BTAF1: variants seen among roughly 807,000 people sequenced by gnomAD.
BTAF1 encodes the protein TATA-binding protein-associated factor 172.
In BTAF1, 38 loss-of-function variants were observed where a neutral mutation model predicts 227.1. That is an observed-to-expected ratio of 0.17 (90% CI 0.13 to 0.22). The LOEUF is 0.22. BTAF1 is among the 10% of genes least tolerant of loss of function. The pLI is 1.00. For missense variants in BTAF1, 1,598 were observed against 2,204.0 expected, an observed-to-expected ratio of 0.73 and a Z score of 5.51; for synonymous variants, 742 against 751.9, an observed-to-expected ratio of 0.99 and a Z score of 0.21.
At chr10:91,988,534 C>T (rs1253505260) in intron 19 of BTAF1, among the ~76,000 whole-genome samples, 3 of 152,242 alleles carry the variant, frequency 2.0e-5, no homozygotes, top group Non-Finnish European at 2.9e-5. Flanking sequence ...TCTGGTACAA[C>T]AGTCCTGTAG....
At chr10:92,018,978 G>C in intron 34 of BTAF1, 43 bp downstream of exon 34, 1 of 1,386,240 alleles carries the variant, frequency 7.2e-7, no homozygotes, top group Non-Finnish European at 9.4e-7. Flanking sequence ...TGTACCCCAG[G>C]AATATAAATT....
chr10:91,941,918 A>G (rs1845027546), intron 3 of BTAF1, among the ~76,000 whole-genome samples: 1 of 152,262 alleles, frequency 6.6e-6, no homozygotes, highest in African/African-American at 2.4e-5. Context: ...TTATTCACAG[A>G]TAACTAAGAA....
At chr10:92,023,093 T>A (rs1851252909) in intron 34 of BTAF1, among the ~76,000 whole-genome samples, 1 of 152,146 alleles carries the variant, frequency 6.6e-6, no homozygotes, top group Non-Finnish European at 1.5e-5. Flanking sequence ...TGGATCAAAA[T>A]TCCAGACCCT....
At chr10:91,939,251 T>C (rs1454232587) in intron 2 of BTAF1, among the ~76,000 whole-genome samples, 1 of 152,224 alleles carries the variant, frequency 6.6e-6, no homozygotes, top group African/African-American at 2.4e-5. Flanking sequence ...TTTCAGATTG[T>C]TTAATGTGTG....
intron 7 of BTAF1, 66 bp downstream of exon 7, chr10:91,956,723 C>G: frequency 6.5e-7 from 1 of 1,535,872 alleles, no homozygotes; most frequent in African/African-American, 1.4e-5. Flanking sequence ...GCAGCGGTGG[C>G]TCACTCCTGT....
At chr10:91,941,395 GT>G (rs1844987828) in intron 3 of BTAF1, among the ~76,000 whole-genome samples, 1 of 152,152 alleles carries the variant, frequency 6.6e-6, no homozygotes, top group African/African-American at 2.4e-5. Context: ...TTATACTTTA[GT>G]TTACAGATGA....
chr10:91,949,471 C>G (rs779812761), intron 4 of BTAF1, among the ~76,000 whole-genome samples: 1 of 152,130 alleles, frequency 6.6e-6, no homozygotes, highest in East Asian at 1.9e-4. Context: ...GAACGTTATG[C>G]GGTGTAGACT....
intron 25 of BTAF1, among the ~76,000 whole-genome samples, chr10:92,006,947 CAG>C (rs1167252673): frequency 6.6e-6 from 1 of 151,972 alleles, no homozygotes; most frequent in East Asian, 1.9e-4. Context: ...CAACCACAAA[CAG>C]AACATACAGT....
Position 92,001,981 on chromosome 10 carries a change from T to TACACAC in BTAF1, c.3660+4231_3660+4232insCACACA, listed in dbSNP as rs1225598895. 4.4e-4 allele frequency among the ~76,000 whole-genome samples: 41 copies of TACACAC among 92,870 alleles called. 1 individual carries two copies. Among genetic ancestry groups the TACACAC allele is most frequent in the Admixed American group, 8.7e-4 (7 of 8,004 alleles). The allele number at this position is 92,870 out of a possible 152,430, so 60.9% of individuals were successfully genotyped here. On this transcript the variant is annotated intron_variant, in intron 25 of 37. Transcript: ENST00000265990. ...AAAAAAAAAAAACCATATATATATA[T>TACACAC]ATATACACACACACACACACACACA... is the stretch of plus-strand genomic sequence containing the variant.
chr10:91,940,831 T>C (rs956017422), intron 3 of BTAF1, among the ~76,000 whole-genome samples: 1 of 152,064 alleles, frequency 6.6e-6, no homozygotes. Context: ...ATTACAGTTG[T>C]GCACCACCAT....
intron 14 of BTAF1, 45 bp from the exon 15 acceptor site, chr10:91,980,409 C>A: frequency 7.2e-7 from 1 of 1,386,318 alleles, no homozygotes; most frequent in Non-Finnish European, 1.0e-6. Context: ...AAGCTAACAT[C>A]CAAGAATTAT....
chr10:91,981,971 G>A (rs1467724052), intron 16 of BTAF1, 112 bp from the exon 17 acceptor site: 2 of 1,393,750 alleles, frequency 1.4e-6, no homozygotes, highest in Non-Finnish European at 1.9e-6. Context: ...TTAAAATTTT[G>A]TGAAAAGAAC....
At chr10:91,927,201 C>G (rs1843910451) in intron 1 of BTAF1, among the ~76,000 whole-genome samples, 1 of 151,096 alleles carries the variant, frequency 6.6e-6, no homozygotes, top group East Asian at 1.9e-4. Context: ...TGCAATGGTG[C>G]GTTCTTGACT....
intron 14 of BTAF1, among the ~76,000 whole-genome samples, chr10:91,970,174 CTCTT>C (rs1589838516): frequency 6.6e-6 from 1 of 151,266 alleles, no homozygotes; most frequent in South Asian, 2.1e-4. Flanking sequence ...TTTAATATGA[CTCTT>C]TATCATTTCC....
intron 14 of BTAF1, among the ~76,000 whole-genome samples, chr10:91,974,269 G>T (rs1847528596): frequency 6.6e-6 from 1 of 151,978 alleles, no homozygotes; most frequent in African/African-American, 2.4e-5. Flanking sequence ...TAATTTTTTG[G>T]TTTTGTTTTG....
chr10:92,005,001 G>A (rs1476628452), intron 25 of BTAF1, among the ~76,000 whole-genome samples: 3 of 152,120 alleles, frequency 2.0e-5, no homozygotes, highest in Non-Finnish European at 4.4e-5. Flanking sequence ...TATTGAAGAG[G>A]CTGTCCTTTC....
intron 14 of BTAF1, among the ~76,000 whole-genome samples, chr10:91,975,413 A>G (rs1367499515): frequency 6.6e-6 from 1 of 152,234 alleles, no homozygotes; most frequent in African/African-American, 2.4e-5. Flanking sequence ...CAGATTTTAT[A>G]AAAATATGAA....
rs1365580262 is a variant in BTAF1, at chr10:92,030,729, G to T, written c.*1796G>T. ...TTTCTAGAAGGATGACTAGAAAAAT[G>T]ATGTGTGGTTGCTTCTGAATGGGAA... On this transcript the variant is annotated 3_prime_UTR_variant, in exon 38 of 38. Transcript: ENST00000265990. Among the ~76,000 whole-genome samples the T allele has an allele frequency of 1.3e-5, 2 of 152,176 alleles. No individual in the cohort carries two copies. The highest frequency in any genetic ancestry group is 4.8e-5 in the African/African-American group (2 of 41,460).
At chr10:91,968,690 C>T (rs1019976193) in intron 14 of BTAF1, among the ~76,000 whole-genome samples, 7 of 152,160 alleles carry the variant, frequency 4.6e-5, no homozygotes, top group African/African-American at 1.7e-4. Context: ...GCTTTACATT[C>T]TGGCCAGCAT....
Sources: gnomAD v4.1 joint callset for allele counts (sites outside exome capture counted in the v4.1 genomes callset) on GRCh38, gnomAD v4.1.1 for gene constraint, MANE v1.5 for transcripts, NCBI Gene and HGNC (gene_info 2026-07-23, HGNC 2026-07-21) for gene names.